The following FRMPD4 variants were observed in gnomAD, a reference collection of about 807,000 sequenced individuals.
FRMPD4 encodes FERM and PDZ domain containing 4, also known as FERM and PDZ domain-containing protein 4.
In FRMPD4, 22 loss-of-function variants were observed where a neutral mutation model predicts 94.1. The observed-to-expected ratio is 0.23, with a 90% CI of 0.17 to 0.33. The LOEUF is 0.33. Among genes scored for constraint, FRMPD4 ranks in the 10% least tolerant of loss-of-function variants. The probability of loss-of-function intolerance (pLI) is 1.00; values close to 1 mark genes in which losing one functional copy is unlikely to be tolerated. For missense variants in FRMPD4, 1,111 were observed against 1,339.9 expected (o/e 0.83, Z 2.67); for synonymous variants, 631 against 548.6 (o/e 1.15, Z -2.10).
At chrX:12,226,149 G>GACTGGAGTCCAGTGGCACAAACATGGCTC (rs1432998751) in intron 1 of FRMPD4, among the ~76,000 whole-genome samples, 3 of 111,414 alleles carry the variant, frequency 2.7e-5, no homozygotes, top group African/African-American at 9.8e-5. Flanking sequence ...CTGTTGTCTA[G>GACTGGAGTCCAGTGGCACAAACATGGCTC]ACTGGAGTCC....
intron 3 of FRMPD4, among the ~76,000 whole-genome samples, chrX:12,037,551 A>G (rs2054727091): frequency 9.0e-6 from 1 of 111,365 alleles, no homozygotes; most frequent in Non-Finnish European, 1.9e-5. Context: ...TTTGAGTTTC[A>G]ACCATTTTAT....
chrX:12,463,681 G>GTTTT lies in FRMPD4; in HGVS notation c.42-34992_42-34989dup, dbSNP rs764684007. 5.5e-3 allele frequency among the ~76,000 whole-genome samples: 281 copies of GTTTT among 51,008 alleles called. 29 individuals carry two copies. Among genetic ancestry groups the GTTTT allele is most frequent in the African/African-American group, 0.014 (158 of 11,573 alleles). The allele number at this position is 51,008 out of a possible 115,157, so 44.3% of individuals were successfully genotyped here. A position where few individuals can be genotyped will look rare whatever the true frequency, so the allele number is the denominator to read the frequency against. ...GGGTGCCTGTGCCTCCTATGTGTGT[G>GTTTT]TTTTTTTTTTGTTTTTGTTTTTTTT... is the stretch of plus-strand genomic sequence containing the variant. On this transcript the variant is annotated intron_variant, in intron 1 of 16. Transcript: ENST00000675598.
At chrX:12,363,615 C>T (rs1277035617) in intron 1 of FRMPD4, among the ~76,000 whole-genome samples, 6 of 112,698 alleles carry the variant, frequency 5.3e-5, no homozygotes, top group South Asian at 3.7e-4. Flanking sequence ...TTCCATGGCC[C>T]ATACTGCCAG....
intron 1 of FRMPD4, among the ~76,000 whole-genome samples, chrX:11,855,288 C>T (rs2053647913): frequency 9.0e-6 from 1 of 111,316 alleles, no homozygotes; most frequent in Non-Finnish European, 1.9e-5. Flanking sequence ...GGCCTCTGGG[C>T]CTGTGATGGG....
At chrX:11,840,695 A>G (rs1356341210) in intron 1 of FRMPD4, among the ~76,000 whole-genome samples, 1 of 107,355 alleles carries the variant, frequency 9.3e-6, no homozygotes, top group Admixed American at 1.0e-4. Context: ...GCCCTTTCTC[A>G]GGTAAGGAAG....
At chrX:12,296,531 G>T (rs2054774501) in intron 1 of FRMPD4, among the ~76,000 whole-genome samples, 1 of 111,968 alleles carries the variant, frequency 8.9e-6, no homozygotes, top group Admixed American at 9.4e-5. Context: ...TACTGGAAAT[G>T]GGAGTGGGGG....
chrX:12,237,533 A>G (rs1023090695), intron 1 of FRMPD4, among the ~76,000 whole-genome samples: 5 of 112,360 alleles, frequency 4.4e-5, no homozygotes, highest in South Asian at 3.7e-4. Flanking sequence ...CTTGTATTAT[A>G]TGACTCTCAT....
At chrX:12,021,408 G>A (rs6640864) in intron 3 of FRMPD4, among the ~76,000 whole-genome samples, 9,078 of 111,130 alleles carry the variant, frequency 0.082, 342 homozygotes, top group East Asian at 0.24. Context: ...CTGACAAATC[G>A]AATTGATAAT....
intron 1 of FRMPD4, among the ~76,000 whole-genome samples, chrX:12,289,739 G>A (rs1460750067): frequency 3.6e-5 from 4 of 111,583 alleles, no homozygotes; most frequent in Non-Finnish European, 7.5e-5. Flanking sequence ...TATTGATGCG[G>A]AAGAGAAGAA....
intron 3 of FRMPD4, among the ~76,000 whole-genome samples, chrX:11,983,173 A>G (rs1471547454): frequency 8.9e-6 from 1 of 112,277 alleles, no homozygotes; most frequent in Non-Finnish European, 1.9e-5. Flanking sequence ...AGCTTTAGGG[A>G]ACATACTTAA....
At chrX:12,614,367 T>C (rs1478601755) in intron 3 of FRMPD4, among the ~76,000 whole-genome samples, 4 of 110,023 alleles carry the variant, frequency 3.6e-5, no homozygotes, top group African/African-American at 1.3e-4. Flanking sequence ...GAATAGCTCC[T>C]TCTAGGGGCC....
At chrX:12,593,285 A>C (rs934756035) in intron 2 of FRMPD4, among the ~76,000 whole-genome samples, 1 of 112,226 alleles carries the variant, frequency 8.9e-6, no homozygotes, top group Admixed American at 9.5e-5. Context: ...GGCAAGCTAC[A>C]TTGCCTTTGG....
chrX:12,671,728 G>C (rs2059846335), intron 4 of FRMPD4, among the ~76,000 whole-genome samples: 1 of 110,587 alleles, frequency 9.0e-6, no homozygotes, highest in Non-Finnish European at 1.9e-5. Flanking sequence ...AGAACTTAAA[G>C]TATAATAAAA....
intron 1 of FRMPD4, among the ~76,000 whole-genome samples, chrX:12,369,611 C>T (rs2056134334): frequency 8.9e-6 from 1 of 112,533 alleles, no homozygotes; most frequent in South Asian, 3.7e-4. Context: ...TCTGGGAAGA[C>T]TTCATGGAGG....
At chrX:12,317,753 G>T (rs917708400) in intron 1 of FRMPD4, among the ~76,000 whole-genome samples, 3 of 111,261 alleles carry the variant, frequency 2.7e-5, no homozygotes, top group Non-Finnish European at 5.7e-5. Context: ...TCAAAAATAC[G>T]ATGAGATATC....
At chrX:12,006,796 G>A (rs1451254044) in intron 3 of FRMPD4, among the ~76,000 whole-genome samples, 5 of 111,942 alleles carry the variant, frequency 4.5e-5, no homozygotes, top group Non-Finnish European at 5.6e-5. Flanking sequence ...ATTCTAAAAT[G>A]TGACCACCTG....
intron 4 of FRMPD4, among the ~76,000 whole-genome samples, chrX:12,668,597 C>CTT (rs61675840): frequency 0.093 from 6,659 of 71,348 alleles, 511 homozygotes; most frequent in East Asian, 0.3. Context: ...ATGGAAACTA[C>CTT]TTTTTTTTTT....
chrX:12,043,424 A>T (rs2054767923), intron 3 of FRMPD4, among the ~76,000 whole-genome samples: 2 of 111,812 alleles, frequency 1.8e-5, no homozygotes, highest in African/African-American at 6.5e-5. Flanking sequence ...AGCTTCTGAA[A>T]AAAAACTATC....
At chrX:12,209,067 C>A (rs1000282510) in intron 1 of FRMPD4, among the ~76,000 whole-genome samples, 1 of 111,596 alleles carries the variant, frequency 9.0e-6, no homozygotes, top group African/African-American at 3.2e-5. Context: ...ACATAATTAA[C>A]CTGTAATGGA....
Sources: allele counts gnomAD v4.1 joint callset (sites outside exome capture counted in the v4.1 genomes callset), GRCh38; gene constraint gnomAD v4.1.1; transcripts MANE v1.5; gene names NCBI Gene and HGNC (gene_info 2026-07-23, HGNC 2026-07-21).